Variants in RPN2 observed in about 807,000 individuals in gnomAD.
The protein encoded by RPN2 is ribophorin II, also known as dolichyl-diphosphooligosaccharide--protein glycosyltransferase subunit 2.
A neutral mutation model predicts 71.4 loss-of-function variants in RPN2; 29 were observed. The ratio of observed to expected loss-of-function variants is 0.41; its 90% CI spans 0.30 to 0.55. The LOEUF is 0.55. Ranked by LOEUF, RPN2 falls within the 20% of genes least tolerant of loss-of-function variation. The pLI, the probability that RPN2 is intolerant of heterozygous loss-of-function variation, is 0.35. For synonymous variants in RPN2, 308 were observed against 305.0 expected (o/e 1.01, Z -0.10); for missense variants, 726 against 774.1 (o/e 0.94, Z 0.74).
At chr20:37,230,617 G>C (rs2068214928) in intron 13 of RPN2, among the ~76,000 whole-genome samples, 1 of 152,140 alleles carries the variant, frequency 6.6e-6, no homozygotes, top group Non-Finnish European at 1.5e-5. Context: ...ACTGGTTAAG[G>C]AAACTGAGGT....
intron 13 of RPN2, among the ~76,000 whole-genome samples, chr20:37,230,532 TG>T (rs1330868016): frequency 1.3e-5 from 2 of 152,166 alleles, no homozygotes; most frequent in Non-Finnish European, 2.9e-5. Flanking sequence ...TGATAACAGA[TG>T]AGTGAAGAAA....
Position 37,198,280 on chromosome 20 carries a change from T to G in RPN2, c.208-117T>G, listed in dbSNP as rs2076399. 1,001,339 of 1,567,986 alleles carry G rather than the reference T, an allele frequency of 0.64. 321,514 individuals carry two copies. Among genetic ancestry groups the G allele is most frequent in the Middle Eastern group, 0.72 (4,080 of 5,692 alleles). Reference sequence around the variant, plus strand: ...GAAAGTAACTACTTAACTAAATTCATGTAGCTCATTCCTTAAGCCATCTAT... The same window carrying G: ...GAAAGTAACTACTTAACTAAATTCAGGTAGCTCATTCCTTAAGCCATCTAT... On this transcript the variant is annotated intron_variant, in intron 2 of 16. Transcript: ENST00000237530.
chr20:37,216,519 T>G (rs2067809197), intron 9 of RPN2, among the ~76,000 whole-genome samples: 1 of 152,242 alleles, frequency 6.6e-6, no homozygotes, highest in South Asian at 2.1e-4. Flanking sequence ...TGGAGTATAG[T>G]GGTGCCATCT....
At chr20:37,234,127 C>T (rs764179328) in intron 15 of RPN2, 32 bp downstream of exon 15, 14 of 1,607,822 alleles carry the variant, frequency 8.7e-6, no homozygotes, top group East Asian at 4.5e-5. Flanking sequence ...TTACCTGTAA[C>T]GTCCTCTGAC....
rs753201406 is a variant in RPN2, at chr20:37,225,777, C to G, written c.1274C>G (p.Thr425Ser). Residue 425 changes from threonine (T) to serine (S), a missense_variant, in exon 11 of 17, where the codon ACT (threonine) becomes AGT (serine). Physicochemically the swap from Thr to Ser is moderately conservative, Grantham distance 58. Coordinates refer to ENST00000237530, the MANE Select transcript of RPN2 (RefSeq NM_002951.5). ...TTCTTCCAGCTGGTAGATGTGAACA[C>G]TGGTGCTGAACTCACTCCTCACCAG... ...ALFFQLVDVNTGAELTPHQTF... is the reference protein window; with the variant it reads ...ALFFQLVDVNSGAELTPHQTF... 1.2e-6 allele frequency: 2 copies of G among 1,613,606 alleles called. No homozygotes were observed. The highest frequency in any genetic ancestry group is 2.7e-5 in the African/African-American group (2 of 74,920).
intron 11 of RPN2, 152 bp downstream of exon 11, chr20:37,225,954 GAC>G: frequency 2.8e-6 from 2 of 702,998 alleles, no homozygotes; most frequent in East Asian, 5.4e-5. Flanking sequence ...TCTCCCACAT[GAC>G]ACTCTCACCC....
chr20:37,193,651 A>G (rs533096454), intron 2 of RPN2, among the ~76,000 whole-genome samples: 59 of 152,338 alleles, frequency 3.9e-4, no homozygotes, highest in South Asian at 2.5e-3. Flanking sequence ...GGAGGGGTAC[A>G]AAAGATAATG....
At chr20:37,233,651 A>G (rs765921746) in intron 14 of RPN2, among the ~76,000 whole-genome samples, 3 of 152,238 alleles carry the variant, frequency 2.0e-5, no homozygotes, top group Non-Finnish European at 4.4e-5. Flanking sequence ...CGGTGGGTTT[A>G]TCTTACCAAT....
At chr20:37,184,022 C>A in intron 1 of RPN2, 158 bp from the exon 2 acceptor site, 1 of 800,134 alleles carries the variant, frequency 1.2e-6, no homozygotes, top group Non-Finnish European at 2.1e-6. Flanking sequence ...AGAGCAGGCT[C>A]CCTGCCTTCC....
chr20:37,207,266 C>T lies in RPN2; in HGVS notation c.691-7C>T. The T allele has an allele frequency of 6.2e-7, 1 of 1,612,506 alleles. No homozygotes were observed. The highest frequency in any genetic ancestry group is 8.5e-7 in the Non-Finnish European group (1 of 1,178,500). On this transcript the variant is annotated splice_polypyrimidine_tract_variant and splice_region_variant and intron_variant, in intron 6 of 16. Coordinates refer to ENST00000237530, the MANE Select transcript of RPN2 (RefSeq NM_002951.5). ...AGAGAAACAGCTGCATTTCGCATTT[C>T]TTTCAGGATCAGGTCATCCAGCTGA...
At chr20:37,215,549 GA>G (rs1371396778) in intron 9 of RPN2, among the ~76,000 whole-genome samples, 4 of 150,196 alleles carry the variant, frequency 2.7e-5, no homozygotes, top group Non-Finnish European at 5.9e-5. Flanking sequence ...TTTTTTTCTT[GA>G]AACCTCTTCT....
At chr20:37,179,466 G>A in intron 1 of RPN2, 97 bp downstream of exon 1, 1 of 1,439,370 alleles carries the variant, frequency 6.9e-7, no homozygotes, top group African/African-American at 1.4e-5. Flanking sequence ...CCCTTCCCCT[G>A]CGGGACAGGG....
At chr20:37,196,803 A>C (rs1308628031) in intron 2 of RPN2, among the ~76,000 whole-genome samples, 1 of 152,228 alleles carries the variant, frequency 6.6e-6, no homozygotes, top group Non-Finnish European at 1.5e-5. Context: ...GGAGAGTCGT[A>C]GTAGCGGGGG....
chr20:37,232,491 T>G, intron 14 of RPN2, 100 bp downstream of exon 14: 1 of 1,351,632 alleles, frequency 7.4e-7, no homozygotes, highest in Non-Finnish European at 1.1e-6. Flanking sequence ...TCAGTAAAGC[T>G]CCAGAGGGGT....
rs1205571131 is a variant in RPN2 at position 37,223,934 on chromosome 20, G to C, written c.1149G>C (p.Val383=). The C allele has an allele frequency of 6.2e-7, 1 of 1,614,102 alleles. No homozygotes were observed. Among genetic ancestry groups the C allele is most frequent in the East Asian group, 2.2e-5 (1 of 44,878 alleles). ...TCACAAATGTTGATCTTTCCACCGT[G>C]GATAAGGATCAGAGCATTGCACCCA... ...VGITNVDLST[V]DKDQSIAPKT... is the part of the protein sequence containing the mutation. The change falls in exon 10 of 17, where the codon GTG becomes GTC. Residue 383 remains valine, a synonymous_variant. Transcript: ENST00000237530.
intron 9 of RPN2, among the ~76,000 whole-genome samples, chr20:37,215,838 C>T (rs1277912863): frequency 6.6e-6 from 1 of 152,112 alleles, no homozygotes; most frequent in Admixed American, 6.5e-5. Context: ...AGTTAAACAT[C>T]TTTTTATATA....
chr20:37,205,025 G>C, intron 6 of RPN2, 124 bp downstream of exon 6: 2 of 1,375,528 alleles, frequency 1.5e-6, no homozygotes, highest in Non-Finnish European at 2.0e-6. Flanking sequence ...TCAGTGTCCT[G>C]GGTTAGGGAT....
intron 2 of RPN2, among the ~76,000 whole-genome samples, chr20:37,187,819 T>G (rs1010754452): frequency 1.8e-4 from 27 of 152,042 alleles, no homozygotes; most frequent in African/African-American, 5.1e-4. Context: ...TTTTTGTATT[T>G]TTTGGTAGAG....
At chr20:37,220,202 T>A (rs1277629297) in intron 9 of RPN2, among the ~76,000 whole-genome samples, 2 of 152,112 alleles carry the variant, frequency 1.3e-5, no homozygotes, top group East Asian at 3.9e-4. Context: ...TGTGTGTGTG[T>A]GTGAGTGTGA....
Sources: gnomAD v4.1 joint callset for allele counts (sites outside exome capture counted in the v4.1 genomes callset) on GRCh38, gnomAD v4.1.1 for gene constraint, MANE v1.5 for transcripts, NCBI Gene and HGNC (gene_info 2026-07-23, HGNC 2026-07-21) for gene names.